The following SUCLG1 variants were observed in gnomAD, a reference collection of about 807,000 sequenced individuals.
The protein encoded by SUCLG1 is succinate--CoA ligase [ADP/GDP-forming] subunit alpha, mitochondrial.
SUCLG1 carries 26 observed loss-of-function variants against 37.3 expected under a neutral mutation model. The ratio of observed to expected loss-of-function variants is 0.70; its 90% CI spans 0.51 to 0.97. The LOEUF is 0.97. Ranked by LOEUF, SUCLG1 falls within the 50% of genes least tolerant of loss-of-function variation. The pLI is 0.00. For missense variants in SUCLG1, 433 were observed against 432.9 expected, an observed-to-expected ratio of 1.00 and a Z score of 0.00; for synonymous variants, 163 against 155.6, an observed-to-expected ratio of 1.05 and a Z score of -0.36.
intron 7 of SUCLG1, among the ~76,000 whole-genome samples, chr2:84,430,307 G>A (rs1672595916): frequency 6.6e-6 from 1 of 152,176 alleles, no homozygotes; most frequent in Admixed American, 6.5e-5. Context: ...CTAGGAGGCA[G>A]GCACTACTAT....
chr2:84,451,636 T>C (rs1355918891), intron 1 of SUCLG1, among the ~76,000 whole-genome samples: 1 of 152,198 alleles, frequency 6.6e-6, no homozygotes, highest in Non-Finnish European at 1.5e-5. Context: ...ATCAGATCTT[T>C]GGTGCTCATA....
rs773513648 is a variant in SUCLG1, at chr2:84,459,239, T to C, written c.31A>G (p.Ile11Val). MTATLAAAAD[I>V]ATMVSGSSGL... Reference sequence around the variant, plus strand: ...CTGCTGCCGGAGACCATGGTAGCGATGTCAGCGGCAGCGGCAAGGGTTGCG... The same window carrying C: ...CTGCTGCCGGAGACCATGGTAGCGACGTCAGCGGCAGCGGCAAGGGTTGCG... Residue 11 changes from isoleucine to valine, a missense_variant, in exon 1 of 9, where the codon ATC becomes GTC. By Grantham distance (29) the Ile-to-Val change is conservative (BLOSUM62 3). Transcript: ENST00000393868. The C allele has an allele frequency of 5.8e-6, 9 of 1,550,536 alleles. No individual in the cohort carries two copies. Among genetic ancestry groups the C allele is most frequent in the South Asian group, 1.2e-5 (1 of 84,050 alleles).
chr2:84,450,021 A>G (rs1358946514), intron 1 of SUCLG1, among the ~76,000 whole-genome samples: 2 of 152,108 alleles, frequency 1.3e-5, no homozygotes, highest in Non-Finnish European at 2.9e-5. Flanking sequence ...GAGGGAAAAA[A>G]AAGCAATGTT....
chr2:84,447,995 G>A (rs1374718186), intron 2 of SUCLG1, among the ~76,000 whole-genome samples: 5 of 151,946 alleles, frequency 3.3e-5, no homozygotes, highest in African/African-American at 4.8e-5. Context: ...GCTCCCTAAA[G>A]TGCTAGGATT....
Position 84,456,747 on chromosome 2 carries a change from T to C in SUCLG1, c.97+2426A>G, listed in dbSNP as rs554128733. Among the ~76,000 whole-genome samples the C allele has an allele frequency of 2.6e-5, 4 of 152,244 alleles. No individual in the cohort carries two copies. The South Asian group carries it at 8.3e-4, about 32-fold the overall frequency. On this transcript the variant is annotated intron_variant, in intron 1 of 8. Coordinates refer to ENST00000393868, the MANE Select transcript of SUCLG1 (RefSeq NM_003849.4). ...GGCACGATCTCAGCTCACTGCAAGC[T>C]CCACCTCCCGGGTTCAAGCAATTCT...
intron 1 of SUCLG1, among the ~76,000 whole-genome samples, chr2:84,457,481 C>G (rs911346192): frequency 7.9e-5 from 12 of 152,150 alleles, no homozygotes; most frequent in African/African-American, 2.9e-4. Context: ...GAACACACTT[C>G]CAGTTCTGTG....
chr2:84,448,657 T>C (rs1672887847), intron 2 of SUCLG1, among the ~76,000 whole-genome samples: 1 of 152,036 alleles, frequency 6.6e-6, no homozygotes, highest in South Asian at 2.1e-4. Context: ...TTAAAAAAAT[T>C]CTGTGCATCT....
At chr2:84,429,502 G>C (rs1189733203) in intron 7 of SUCLG1, among the ~76,000 whole-genome samples, 1 of 152,100 alleles carries the variant, frequency 6.6e-6, no homozygotes, top group Non-Finnish European at 1.5e-5. Context: ...CACTGTGCCA[G>C]GGGACTGGGC....
At chr2:84,438,395 T>C (rs1672720246) in intron 5 of SUCLG1, among the ~76,000 whole-genome samples, 1 of 152,232 alleles carries the variant, frequency 6.6e-6, no homozygotes, top group African/African-American at 2.4e-5. Context: ...TATCATCAAT[T>C]TGGAATCCAA....
chr2:84,449,529 C>A, intron 2 of SUCLG1, 120 bp downstream of exon 2: 1 of 687,262 alleles, frequency 1.5e-6, no homozygotes, highest in South Asian at 2.1e-5. Context: ...AACCCCATTG[C>A]TGTACAGTAT....
intron 7 of SUCLG1, among the ~76,000 whole-genome samples, chr2:84,429,909 G>A (rs977081690): frequency 1.3e-5 from 2 of 152,288 alleles, no homozygotes; most frequent in Non-Finnish European, 2.9e-5. Flanking sequence ...GAGATGGGAT[G>A]AGGACCCAAA....
chr2:84,425,681 G>T, intron 7 of SUCLG1, 78 bp from the exon 8 acceptor site: 2 of 1,490,652 alleles, frequency 1.3e-6, no homozygotes, highest in African/African-American at 1.4e-5. Context: ...GACTCTGCTG[G>T]TAAATGGTAA....
chr2:84,433,305 T>C (rs746176148), intron 6 of SUCLG1, 47 bp downstream of exon 6: 2 of 1,461,350 alleles, frequency 1.4e-6, no homozygotes, highest in Non-Finnish European at 1.9e-6. Flanking sequence ...ACTCATCCAA[T>C]GAAGACACCA....
chr2:84,450,944 G>A (rs1672931302), intron 1 of SUCLG1, among the ~76,000 whole-genome samples: 1 of 152,210 alleles, frequency 6.6e-6, no homozygotes, highest in African/African-American at 2.4e-5. Flanking sequence ...GTAACAGGCA[G>A]CTTTCTCATA....
chr2:84,446,870 G>T (rs1672859995), intron 2 of SUCLG1, among the ~76,000 whole-genome samples: 1 of 152,158 alleles, frequency 6.6e-6, no homozygotes, highest in Non-Finnish European at 1.5e-5. Context: ...ACCTACACTG[G>T]TTTTTTGCTA....
intron 3 of SUCLG1, among the ~76,000 whole-genome samples, chr2:84,442,166 T>TA (rs11310460): frequency 2.1e-5 from 3 of 141,074 alleles, no homozygotes; most frequent in South Asian, 4.5e-4. Flanking sequence ...GAACTTTCTT[T>TA]AAAAAAAAAA....
At position 84,443,180 on chromosome 2, in the gene SUCLG1, A is replaced by G. The variant is rs979321210; in HGVS notation, c.318+104T>C. 3.9e-6 allele frequency: 4 copies of G among 1,016,448 alleles called. No homozygotes were observed. The African/African-American group carries it at 6.3e-5, about 16-fold the overall frequency. The allele number at this position is 1,016,448 out of a possible 1,614,324, so 63.0% of individuals were successfully genotyped here. The stretch of plus-strand genomic sequence containing the variant: ...TCTCTAGGTTACTGAATTTTCAAAT[A>G]GCAAGTGACTCTACCAAAAAAACAT... On this transcript the variant is annotated intron_variant, in intron 3 of 8. Coordinates refer to ENST00000393868, the MANE Select transcript of SUCLG1 (RefSeq NM_003849.4).
intron 1 of SUCLG1, among the ~76,000 whole-genome samples, chr2:84,452,021 C>T (rs1433308642): frequency 6.6e-6 from 1 of 152,126 alleles, no homozygotes; most frequent in Non-Finnish European, 1.5e-5. Flanking sequence ...TGAGTTCGTT[C>T]ATTGATTCAA....
chr2:84,433,696 A>G (rs529927488), intron 5 of SUCLG1: 15 of 481,298 alleles, frequency 3.1e-5, no homozygotes, highest in Non-Finnish European at 5.6e-5. Context: ...ACAATGCAAG[A>G]AAGACTTAAA....
Sources: allele counts gnomAD v4.1 joint callset (sites outside exome capture counted in the v4.1 genomes callset), GRCh38; gene constraint gnomAD v4.1.1; transcripts MANE v1.5; gene names NCBI Gene and HGNC (gene_info 2026-07-23, HGNC 2026-07-21).